AMPD2: variants seen among roughly 807,000 people sequenced by gnomAD.
AMPD2 encodes the protein AMP deaminase 2.
A neutral mutation model predicts 91.3 loss-of-function variants in AMPD2; 52 were observed. The ratio of observed to expected loss-of-function variants is 0.57; its 90% CI spans 0.46 to 0.72. The LOEUF (loss-of-function observed/expected upper bound fraction) is 0.72. AMPD2 is among the 30% of genes least tolerant of loss of function. AMPD2 has a pLI of 0.00. For missense variants in AMPD2, 822 were observed against 1,122.3 expected, an observed-to-expected ratio of 0.73 and a Z score of 3.82; for synonymous variants, 455 against 456.4, an observed-to-expected ratio of 1.00 and a Z score of 0.04.
rs1485148845 is a variant in AMPD2 at position 109,628,308 on chromosome 1, GAGTC to G, written c.1275+38_1275+41del. The G allele has an allele frequency of 1.2e-6, 2 of 1,612,948 alleles. No individual in the cohort carries two copies. Among genetic ancestry groups the G allele is most frequent in the Admixed American group, 1.7e-5 (1 of 59,984 alleles). The stretch of plus-strand genomic sequence containing the variant: ...TGCCAGTGGCGTGGGCTGTGGGACT[GAGTC>G]AGTCAGGGGACCAGGAGTCACGGGT... On this transcript the variant is annotated intron_variant, in intron 11 of 18. Coordinates refer to ENST00000528667, the MANE Select transcript of AMPD2 (RefSeq NM_001368809.2). This position sits in a 1 kb window ranked among gnomAD's most constrained non-coding sequence, Gnocchi z 7.1.
At position 109,627,726 on chromosome 1, in the gene AMPD2, T is replaced by C. The variant is rs372367966; in HGVS notation, c.951-48T>C. ...ATCTGCTACCCAAGCCCTCCCCAGG[T>C]GCCTCCCTTCAGGGCCTAAGTCCCT... On this transcript the variant is annotated intron_variant, in intron 9 of 18. Coordinates refer to ENST00000528667, the MANE Select transcript of AMPD2 (RefSeq NM_001368809.2). 3.4e-5 allele frequency: 55 copies of C among 1,605,704 alleles called. No individual in the cohort carries two copies. The African/African-American group carries it at 6.6e-4, about 19-fold the overall frequency.
rs2101156850 is a variant in AMPD2 at position 109,626,244 on chromosome 1, G to T, written c.422+16G>T. On this transcript the variant is annotated intron_variant, in intron 5 of 18. Coordinates refer to ENST00000528667, the MANE Select transcript of AMPD2 (RefSeq NM_001368809.2). ...CGGACCTACAGTGAGGAGGGCAGAGGGGCACAGGGGATGCGGAGCTGCAGC... is the reference window on the plus strand; with the variant it reads ...CGGACCTACAGTGAGGAGGGCAGAGTGGCACAGGGGATGCGGAGCTGCAGC... The T allele has an allele frequency of 6.2e-7, 1 of 1,614,016 alleles. No individual in the cohort carries two copies. The highest frequency in any genetic ancestry group is 1.1e-5 in the South Asian group (1 of 91,062).
rs924708783 is a variant in AMPD2, at chr1:109,625,253, T to C, written c.92-50T>C. 4.4e-6 allele frequency: 7 copies of C among 1,597,782 alleles called. No homozygotes were observed. In the Admixed American group the frequency reaches 1.0e-4, roughly 23 times the overall value. On this transcript the variant is annotated intron_variant, in intron 2 of 18. Transcript: ENST00000528667. The surrounding 1 kb of genome is among the most constrained non-coding windows in gnomAD (Gnocchi z 4.0). Reference sequence around the variant, plus strand: ...CTAGGCAGGGCAGGGGCCCAGGGCTTTCAGGGGCTGCCCCTCCACCCTTTG... The same window carrying C: ...CTAGGCAGGGCAGGGGCCCAGGGCTCTCAGGGGCTGCCCCTCCACCCTTTG...
chr1:109,621,145 C>G lies in AMPD2; in HGVS notation c.-31C>G. The stretch of plus-strand genomic sequence containing the variant: ...CAGGCCCCAGCCGGTGCCGCTCAGA[C>G]TCCCCCGCTGTCGCCGCCGTGGTCC... On this transcript the variant is annotated 5_prime_UTR_variant, in exon 2 of 19. Transcript: ENST00000528667. 1 of 1,597,548 alleles carries G rather than the reference C, an allele frequency of 6.3e-7. No individual in the cohort carries two copies. The highest frequency in any genetic ancestry group is 8.5e-7 in the Non-Finnish European group (1 of 1,171,556).
Position 109,631,245 on chromosome 1 carries a change from A to G in AMPD2, c.*93A>G. Reference sequence around the variant, plus strand: ...TGCTGTGTGGTCTCTGCATGTCTCCATTCTTCTCTGTCTCTGTCTTGCATG... The same window carrying G: ...TGCTGTGTGGTCTCTGCATGTCTCCGTTCTTCTCTGTCTCTGTCTTGCATG... On this transcript the variant is annotated 3_prime_UTR_variant, in exon 19 of 19. Coordinates refer to ENST00000528667, the MANE Select transcript of AMPD2 (RefSeq NM_001368809.2). The G allele has an allele frequency of 1.6e-6, 2 of 1,225,498 alleles. No individual in the cohort carries two copies. Among genetic ancestry groups the G allele is most frequent in the Non-Finnish European group, 2.3e-6 (2 of 857,264 alleles). 75.9% of individuals were successfully genotyped at this position (1,225,498 alleles called of 1,614,324 possible).
rs1432660400 is a variant in AMPD2, at chr1:109,626,772, C to T, written c.578C>T (p.Ala193Val). The change falls in exon 7 of 19, where the codon GCG becomes GTG. Residue 193 changes from alanine (A) to valine (V), a missense_variant. Physicochemically the swap from Ala to Val is moderately conservative, Grantham distance 64. Coordinates refer to ENST00000528667, the MANE Select transcript of AMPD2 (RefSeq NM_001368809.2). ...GATGCAGCCAAGAGTGTGGTGCGGG[C>T]GCTCTTCATCCGGGAGAAGTACATG... ...LLDAAKSVVR[A>V]LFIREKYMAL... 4 of 1,613,686 alleles carry T rather than the reference C, an allele frequency of 2.5e-6. No individual in the cohort carries two copies. Among genetic ancestry groups the T allele is most frequent in the South Asian group, 2.2e-5 (2 of 91,068 alleles).
chr1:109,629,653 C>T (rs145855055), intron 15 of AMPD2, 143 bp from the exon 16 acceptor site: 4 of 1,443,714 alleles, frequency 2.8e-6, no homozygotes, highest in African/African-American at 1.4e-5. Context: ...CCCTCACAGC[C>T]AGTAATCTAC....
chr1:109,620,238 G>T lies in AMPD2; in HGVS notation c.-303G>T, dbSNP rs1018698917. 1.9e-6 allele frequency: 3 copies of T among 1,613,996 alleles called. No individual in the cohort carries two copies. The highest frequency in any genetic ancestry group is 2.2e-5 in the East Asian group (1 of 44,890). On this transcript the variant is annotated 5_prime_UTR_variant, in exon 1 of 19. Coordinates refer to ENST00000528667, the MANE Select transcript of AMPD2 (RefSeq NM_001368809.2). ...GGGCTTTCTGCTGTACAGACTTCTC[G>T]TGGGCAGCCTCCCCTCGGAACTCGG...
chr1:109,621,442 G>A, intron 2 of AMPD2, 176 bp downstream of exon 2: 1 of 661,946 alleles, frequency 1.5e-6, no homozygotes, highest in South Asian at 1.6e-5. Flanking sequence ...GGGGTGGTGG[G>A]GGGCGGGGGG....
chr1:109,626,339 A>AGG lies in AMPD2; in HGVS notation c.446_447dup (p.Gln150GlyfsTer160). 1.2e-6 allele frequency: 2 copies of AGG among 1,613,008 alleles called. No homozygotes were observed. The highest frequency in any genetic ancestry group is 1.7e-6 in the Non-Finnish European group (2 of 1,179,384). ...TGCAGGCTCTACAAGGAACAGGGTG[A>AGG]GGGGCAGGGTGACCGGAGCCTGCGG... On this transcript the variant is annotated frameshift_variant, in exon 6 of 19. Transcript: ENST00000528667. LOFTEE classifies it high-confidence loss of function.
At chr1:109,629,632 A>T in intron 15 of AMPD2, 142 bp downstream of exon 15, 1 of 1,430,306 alleles carries the variant, frequency 7.0e-7, no homozygotes, top group Non-Finnish European at 9.5e-7. Flanking sequence ...CCTTGGAGCT[A>T]CATCTGTCAC....
intron 6 of AMPD2, 29 bp downstream of exon 6, chr1:109,626,456 C>A: frequency 1.9e-6 from 3 of 1,566,248 alleles, no homozygotes; most frequent in South Asian, 2.3e-5. Flanking sequence ...TTGGGTGAGT[C>A]GCCATCACCT....
Position 109,626,773 on chromosome 1 carries a change from G to T in AMPD2, c.579G>T (p.Ala193=). ...ATGCAGCCAAGAGTGTGGTGCGGGC[G>T]CTCTTCATCCGGGAGAAGTACATGG... ...LLDAAKSVVR[A]LFIREKYMAL... is the part of the protein sequence containing the mutation. Residue 193 remains alanine (A), a synonymous_variant, in exon 7 of 19, where the codon GCG becomes GCT. Coordinates refer to ENST00000528667, the MANE Select transcript of AMPD2 (RefSeq NM_001368809.2). The T allele has an allele frequency of 6.2e-7, 1 of 1,613,720 alleles. No homozygotes were observed.
chr1:109,625,917 T>G lies in AMPD2; in HGVS notation c.353+125T>G. 1 of 1,448,374 alleles carries G rather than the reference T, an allele frequency of 6.9e-7. No individual in the cohort carries two copies. The highest frequency in any genetic ancestry group is 9.3e-7 in the Non-Finnish European group (1 of 1,074,674). 89.7% of individuals were successfully genotyped at this position (1,448,374 alleles called of 1,614,324 possible). On this transcript the variant is annotated intron_variant, in intron 4 of 18. Coordinates refer to ENST00000528667, the MANE Select transcript of AMPD2 (RefSeq NM_001368809.2). The surrounding 1 kb of genome is among the most constrained non-coding windows in gnomAD (Gnocchi z 4.0). ...TCTGCACAGGGAGCATAGAGTGGGC[T>G]TTGGAGTCGGGCTGCTGGGTTCTGT...
In AMPD2 at chr1:109,620,269, A is replaced by G; in HGVS notation, c.-272A>G. The G allele has an allele frequency of 6.2e-7, 1 of 1,613,968 alleles. No individual in the cohort carries two copies. Among genetic ancestry groups the G allele is most frequent in the East Asian group, 2.2e-5 (1 of 44,860 alleles). On this transcript the variant is annotated 5_prime_UTR_variant, in exon 1 of 19. The change abolishes an upstream ATG in the 5' untranslated region. Coordinates refer to ENST00000528667, the MANE Select transcript of AMPD2 (RefSeq NM_001368809.2). ...AGCCTCCCCTCGGAACTCGGGCATC[A>G]TGGCCTCAGGTGAGTGTGTGTACGT... is the stretch of plus-strand genomic sequence containing the variant.
At chr1:109,620,492 G>T (rs1389263630) in intron 1 of AMPD2, 10 of 1,193,474 alleles carry the variant, frequency 8.4e-6, no homozygotes, top group Non-Finnish European at 1.1e-5. Context: ...CCCAGACAAG[G>T]GGGTCTCCTG....
chr1:109,630,155 C>A, intron 16 of AMPD2, 78 bp from the exon 17 acceptor site: 2 of 1,515,352 alleles, frequency 1.3e-6, no homozygotes, highest in South Asian at 1.1e-5. Flanking sequence ...TCTGCTGTGG[C>A]CTGGACCCCC....
Position 109,628,962 on chromosome 1 carries a change from G to T in AMPD2, c.1572-147G>T. ...CCTGGTCCCATCCATGGTCTGTCCAGCCTGGCCCACCTGGGTATCCTTGCT... is the reference window on the plus strand; with the variant it reads ...CCTGGTCCCATCCATGGTCTGTCCATCCTGGCCCACCTGGGTATCCTTGCT... On this transcript the variant is annotated intron_variant, in intron 13 of 18. Transcript: ENST00000528667. This position sits in a 1 kb window ranked among gnomAD's most constrained non-coding sequence, Gnocchi z 7.1. 1 of 1,439,668 alleles carries T rather than the reference G, an allele frequency of 6.9e-7. No homozygotes were observed. The allele number at this position is 1,439,668 out of a possible 1,614,324, so 89.2% of individuals were successfully genotyped here.
At position 109,620,934 on chromosome 1, in the gene AMPD2, G is replaced by A. The variant is rs2101140413; in HGVS notation, c.-242G>A. ...GCCAGGCCCAGCCACCATCAGTCAC[G>A]TCACTCCTGGGACTGAGGAGGCAGG... On this transcript the variant is annotated 5_prime_UTR_variant, in exon 2 of 19. Transcript: ENST00000528667. 6.0e-6 allele frequency: 9 copies of A among 1,497,918 alleles called. No individual in the cohort carries two copies. The highest frequency in any genetic ancestry group is 8.0e-6 in the Non-Finnish European group (9 of 1,123,768). 92.8% of individuals were successfully genotyped at this position (1,497,918 alleles called of 1,614,324 possible).
Sources: allele counts gnomAD v4.1 joint callset, GRCh38; gene constraint gnomAD v4.1.1; non-coding constraint Gnocchi (gnomAD v3.1); transcripts MANE v1.5; gene names NCBI Gene and HGNC (gene_info 2026-07-23, HGNC 2026-07-21).